Variants in HOOK2 observed in about 807,000 individuals in gnomAD.
HOOK2 encodes the protein protein Hook homolog 2.
A neutral mutation model predicts 111.9 loss-of-function variants in HOOK2; 108 were observed. That is an observed-to-expected ratio of 0.96 (90% CI 0.83 to 1.13). The LOEUF is 1.13. HOOK2 is among the 50% of genes most tolerant of loss of function. HOOK2 has a pLI of 0.00. For missense variants in HOOK2, 978 were observed against 951.3 expected (o/e 1.03, Z -0.37); for synonymous variants, 405 against 394.3 (o/e 1.03, Z -0.32).
In HOOK2 at chr19:12,769,478, A is replaced by G. The variant is rs574617030; in HGVS notation, c.1104+403T>C. ...CACCCTGTCACCCAGGCTGGAATGC[A>G]GTGATGCAGCCACAGCTCACTACAA... On this transcript the variant is annotated intron_variant, in intron 11 of 22. Coordinates refer to ENST00000397668, the MANE Select transcript of HOOK2 (RefSeq NM_013312.3). Among the ~76,000 whole-genome samples the G allele has an allele frequency of 3.3e-5, 5 of 152,274 alleles. No homozygotes were observed. In the South Asian group the frequency reaches 6.2e-4, roughly 19 times the overall value.
chr19:12,765,545 C>T (rs186176105), intron 18 of HOOK2, 145 bp downstream of exon 18: 6 of 1,156,760 alleles, frequency 5.2e-6, no homozygotes, highest in Admixed American at 3.6e-5. Context: ...GTCAGGAGTC[C>T]GAGACCAGCC....
chr19:12,792,065 G>C (rs1179704726), intron 3 of HOOK2: 1 of 1,608,886 alleles, frequency 6.2e-7, no homozygotes, highest in Non-Finnish European at 8.5e-7. Flanking sequence ...GCAACGGCGT[G>C]ATCACGACGA....
upstream of HOOK2, among the ~76,000 whole-genome samples, chr19:12,778,694 G>A (rs1324925430): frequency 6.6e-6 from 1 of 152,182 alleles, no homozygotes; most frequent in African/African-American, 2.4e-5. Context: ...TTGATGTTTA[G>A]GGGAAATCTG....
At chr19:12,766,082 G>C in intron 15 of HOOK2, 21 bp downstream of exon 15, 1 of 1,603,052 alleles carries the variant, frequency 6.2e-7, no homozygotes, top group Non-Finnish European at 8.5e-7. Flanking sequence ...GCTCCGCGCA[G>C]GTAGGTCCCC....
chr19:12,770,914 C>T lies in HOOK2; in HGVS notation c.902+18G>A. 1 of 1,585,816 alleles carries T rather than the reference C, an allele frequency of 6.3e-7. No individual in the cohort carries two copies. The highest frequency in any genetic ancestry group is 8.6e-7 in the Non-Finnish European group (1 of 1,159,618). On this transcript the variant is annotated intron_variant, in intron 10 of 22. Transcript: ENST00000397668. ...CCCCCCGCCCCCCGTGATGGGGACC[C>T]AGGAACCCACCACTCACCGTAGTTC...
At chr19:12,773,231 CT>C (rs373156108) in intron 3 of HOOK2, 187 bp from the exon 4 acceptor site, 25,276 of 251,018 alleles carry the variant, frequency 0.1, 15 homozygotes, top group South Asian at 0.15. Flanking sequence ...ATCTTTGTTT[CT>C]TTTTTTTTTT....
chr19:12,766,294 G>A (rs567871988), intron 14 of HOOK2, 54 bp from the exon 15 acceptor site: 1 of 1,478,560 alleles, frequency 6.8e-7, no homozygotes, highest in Non-Finnish European at 9.0e-7. Context: ...TCGCAGGCTC[G>A]CTGGGGCTCA....
At chr19:12,778,628 G>C (rs1968566544), upstream of HOOK2, among the ~76,000 whole-genome samples, 1 of 152,220 alleles carries the variant, frequency 6.6e-6, no homozygotes, top group African/African-American at 2.4e-5. Context: ...GCTGTTACAA[G>C]CATGGGTGGC....
upstream of HOOK2, among the ~76,000 whole-genome samples, chr19:12,782,761 T>C (rs1224815232): frequency 2.0e-5 from 3 of 152,020 alleles, no homozygotes; most frequent in Admixed American, 2.0e-4. Context: ...GGAGGGGGCC[T>C]CCGTTAACCC....
At position 12,771,165 on chromosome 19, in the gene HOOK2, T is replaced by C. The variant is rs1968317410; in HGVS notation, c.755A>G (p.Asn252Ser). The C allele has an allele frequency of 6.2e-7, 1 of 1,613,436 alleles. No individual in the cohort carries two copies. Among genetic ancestry groups the C allele is most frequent in the Admixed American group, 1.7e-5 (1 of 59,880 alleles). Residue 252 changes from asparagine (N) to serine (S), a missense_variant, in exon 9 of 23, where the codon AAC becomes AGC. This residue lies in a region of HOOK2 where 388 missense variants were observed against 358.3 expected (regional missense o/e 1.08). Transcript: ENST00000397668. ...QSQLEQLQEE[N>S]FRLESGREDE... Reference sequence around the variant, plus strand: ...AGTCCCCAGCTGACCACACCTGAAGTTCTCCTCCTGCAACTGCTCCAGCTG... The same window carrying C: ...AGTCCCCAGCTGACCACACCTGAAGCTCTCCTCCTGCAACTGCTCCAGCTG...
chr19:12,792,278 C>CG, intron 3 of HOOK2: 2 of 1,496,030 alleles, frequency 1.3e-6, no homozygotes, highest in Non-Finnish European at 1.8e-6. Context: ...CGGCTGGGCC[C>CG]GGGGGCGTCT....
chr19:12,775,644 C>A (rs1968483381), upstream of HOOK2: 1 of 461,228 alleles, frequency 2.2e-6, no homozygotes, highest in East Asian at 4.1e-5. Context: ...CTCCCTACGC[C>A]CGCTCTTGCC....
At chr19:12,767,027 GC>G (rs1968174455) in intron 14 of HOOK2, among the ~76,000 whole-genome samples, 1 of 152,172 alleles carries the variant, frequency 6.6e-6, no homozygotes. Context: ...ACCGTGCCTG[GC>G]CCGGGGTGGG....
rs1352019138 is a variant in HOOK2, at chr19:12,775,534, C to A, written c.-85G>T. On this transcript the variant is annotated 5_prime_UTR_variant, in exon 1 of 23. Coordinates refer to ENST00000397668, the MANE Select transcript of HOOK2 (RefSeq NM_013312.3). Reference sequence around the variant, plus strand: ...CCGCCACCAGCGAGCGCCCGCAGCCCCGACCTCCCGCTCGGCCTAGAGCGC... The same window carrying A: ...CCGCCACCAGCGAGCGCCCGCAGCCACGACCTCCCGCTCGGCCTAGAGCGC... 1.5e-5 allele frequency: 22 copies of A among 1,458,416 alleles called. No homozygotes were observed. Among genetic ancestry groups the A allele is most frequent in the Non-Finnish European group, 2.0e-5 (22 of 1,085,616 alleles). The allele number at this position is 1,458,416 out of a possible 1,614,324, so 90.3% of individuals were successfully genotyped here. A position where few individuals can be genotyped will look rare whatever the true frequency, so the allele number is the denominator to read the frequency against.
chr19:12,788,861 G>T (rs540235278), intron 3 of HOOK2, among the ~76,000 whole-genome samples: 2 of 152,180 alleles, frequency 1.3e-5, no homozygotes, highest in Non-Finnish European at 1.5e-5. Flanking sequence ...AGCCTGGGGA[G>T]GGGGAGGGGA....
At chr19:12,777,638 A>T (rs1206789576), upstream of HOOK2, among the ~76,000 whole-genome samples, 2 of 152,200 alleles carry the variant, frequency 1.3e-5, no homozygotes, top group Admixed American at 6.5e-5. Context: ...GTCTTCCACG[A>T]TATTCCCCCC....
Position 12,791,661 on chromosome 19 carries a change from C to A in HOOK2, n.42-17436G>T. ...ACCCGCCCGCGCCAGCCCCCGAGAA[C>A]GCGCGACCAGGCACCCAGTCCGGTC... On this transcript the variant is annotated intron_variant and non_coding_transcript_variant, in intron 3 of 3. Coordinates refer to the HOOK2 transcript ENST00000589765. The surrounding 1 kb of genome is among the most constrained non-coding windows in gnomAD (Gnocchi z 7.0). 1.3e-6 allele frequency: 1 copy of A among 754,830 alleles called. No individual in the cohort carries two copies. The highest frequency in any genetic ancestry group is 2.0e-6 in the Non-Finnish European group (1 of 505,918). 46.8% of individuals were successfully genotyped at this position (754,830 alleles called of 1,614,324 possible). A position where few individuals can be genotyped will look rare whatever the true frequency, so the allele number is the denominator to read the frequency against.
chr19:12,771,073 C>T lies in HOOK2; in HGVS notation c.762-1G>A. ...CTCATCCTCCCTGCCACTCTCCAGCCTGGGGGTGTTGGGGGAAGAGCACAT... is the reference window on the plus strand; with the variant it reads ...CTCATCCTCCCTGCCACTCTCCAGCTTGGGGGTGTTGGGGGAAGAGCACAT... On this transcript the variant is annotated splice_acceptor_variant, in intron 9 of 22. Transcript: ENST00000397668. LOFTEE classifies it high-confidence loss of function. The T allele has an allele frequency of 6.2e-7, 1 of 1,612,640 alleles. No homozygotes were observed. Among genetic ancestry groups the T allele is most frequent in the East Asian group, 2.2e-5 (1 of 44,826 alleles).
In HOOK2 at chr19:12,763,034, T is replaced by TA. The variant is rs1968041656; in HGVS notation, c.*247dup. 2.0e-6 allele frequency: 1 copy of TA among 493,976 alleles called. No individual in the cohort carries two copies. The highest frequency in any genetic ancestry group is 3.6e-6 in the Non-Finnish European group (1 of 280,536). 30.6% of individuals were successfully genotyped at this position (493,976 alleles called of 1,614,324 possible). On this transcript the variant is annotated 3_prime_UTR_variant, in exon 23 of 23. Transcript: ENST00000397668. ...TGAACGCCTTTATTTTTCTCAAATATAAAATCAGAGTCTCCTGAGGCAGCA... is the reference window on the plus strand; with the variant it reads ...TGAACGCCTTTATTTTTCTCAAATATAAAAATCAGAGTCTCCTGAGGCAGCA...
Sources: gnomAD v4.1 joint callset for allele counts (sites outside exome capture counted in the v4.1 genomes callset) on GRCh38, gnomAD v4.1.1 for gene constraint, gnomAD v4.1.1 regional missense constraint, Gnocchi (gnomAD v3.1) non-coding constraint, MANE v1.5 for transcripts, NCBI Gene and HGNC (gene_info 2026-07-23, HGNC 2026-07-21) for gene names.